MX1: variants seen among roughly 807,000 people sequenced by gnomAD.
The protein encoded by MX1 is interferon-induced GTP-binding protein Mx1.
Under a neutral mutation model 66.4 loss-of-function variants are expected in MX1, and 66 were observed. The ratio of observed to expected loss-of-function variants is 0.99; its 90% confidence interval spans 0.82 to 1.22. The LOEUF is 1.22. Ranked by LOEUF, MX1 falls within the 50% of genes most tolerant of loss-of-function variation. MX1 has a pLI of 0.00. For missense variants in MX1, 787 were observed against 834.3 expected (o/e 0.94, Z 0.70); for synonymous variants, 311 against 318.1 (o/e 0.98, Z 0.24).
chr21:41,458,520 C>G lies in MX1; in HGVS notation c.1759-8C>G, dbSNP rs1392733088. The stretch of plus-strand genomic sequence containing the variant: ...TCCACCCTCCCGTGAACTGTTCTTT[C>G]CTTCCAGGAGGCCAGCAAGCGCATC... On this transcript the variant is annotated splice_polypyrimidine_tract_variant and splice_region_variant and intron_variant, in intron 16 of 16. Coordinates refer to ENST00000398598, the MANE Select transcript of MX1 (RefSeq NM_002462.5). The G allele has an allele frequency of 1.4e-6, 2 of 1,477,594 alleles. No homozygotes were observed. The highest frequency in any genetic ancestry group is 2.9e-5 in the African/African-American group (2 of 68,782). The allele number at this position is 1,477,594 out of a possible 1,614,324, so 91.5% of individuals were successfully genotyped here.
chr21:41,430,194 GT>G (rs2090174065), intron 3 of MX1, among the ~76,000 whole-genome samples: 1 of 152,014 alleles, frequency 6.6e-6, no homozygotes, highest in South Asian at 2.1e-4. Context: ...GGGGTGATGA[GT>G]TTTGTTTTAA....
At chr21:41,454,098 TC>T (rs57309051) in intron 16 of MX1, among the ~76,000 whole-genome samples, 30,178 of 151,410 alleles carry the variant, frequency 0.2, 3,522 homozygotes, top group East Asian at 0.42. Context: ...AGGTGCAAAT[TC>T]CCCCCCCACA....
At position 41,443,802 on chromosome 21, in the gene MX1, A is replaced by G; in HGVS notation, c.944A>G (p.Glu315Gly). The change falls in exon 11 of 17, where the codon GAA becomes GGA. Residue 315 changes from glutamate (E) to glycine (G), a missense_variant. Transcript: ENST00000398598. Reference sequence around the variant, plus strand: ...TTCTCTTCTAGGGATCTGCTGGAGGAAGGAAAGGCCACGGTTCCCTGCCTG... The same window carrying G: ...TTCTCTTCTAGGGATCTGCTGGAGGGAGGAAAGGCCACGGTTCCCTGCCTG... ...NHPYFRDLLEEGKATVPCLAE... is the reference protein window; with the variant it reads ...NHPYFRDLLEGGKATVPCLAE... 6.2e-7 allele frequency: 1 copy of G among 1,614,220 alleles called. No individual in the cohort carries two copies. The highest frequency in any genetic ancestry group is 2.2e-5 in the East Asian group (1 of 44,894).
At chr21:41,451,275 A>C in intron 15 of MX1, 32 bp downstream of exon 15, 1 of 1,365,674 alleles carries the variant, frequency 7.3e-7, no homozygotes, top group Non-Finnish European at 1.0e-6. Context: ...TTAAAAAAAA[A>C]AAAGAAAAGA....
intron 7 of MX1, 119 bp from the exon 8 acceptor site, chr21:41,439,575 C>T: frequency 5.1e-6 from 5 of 984,396 alleles, no homozygotes; most frequent in Middle Eastern, 2.4e-4. Context: ...GAATCTGCTC[C>T]AAATATGCTT....
intron 10 of MX1, among the ~76,000 whole-genome samples, chr21:41,442,273 A>G (rs577533200): frequency 1.2e-4 from 18 of 152,350 alleles, no homozygotes; most frequent in Non-Finnish European, 2.2e-4. Context: ...ACCTAGATAT[A>G]TATATTTGAC....
At chr21:41,458,067 G>A (rs532627358) in intron 16 of MX1, among the ~76,000 whole-genome samples, 3 of 152,180 alleles carry the variant, frequency 2.0e-5, no homozygotes, top group South Asian at 2.1e-4. Context: ...ACAATGGCGC[G>A]ATCCCAGCTC....
At chr21:41,443,528 A>G (rs2090575452) in intron 10 of MX1, 1 of 500,264 alleles carries the variant, frequency 2.0e-6, no homozygotes, top group South Asian at 2.4e-5. Flanking sequence ...GACCAAGTCT[A>G]TAGTCAGACA....
chr21:41,448,558 C>G (rs1252702345), intron 13 of MX1, among the ~76,000 whole-genome samples: 2 of 152,164 alleles, frequency 1.3e-5, no homozygotes, highest in Non-Finnish European at 2.9e-5. Context: ...GTAATCCCAG[C>G]ACTTTGGGAG....
At position 41,458,727 on chromosome 21, in the gene MX1, C is replaced by T; in HGVS notation, c.1958C>T (p.Ala653Val). Residue 653 changes from alanine to valine, a missense_variant, in exon 17 of 17, where the codon GCT becomes GTT. Ala to Val is a moderately conservative substitution (Grantham distance 64, BLOSUM62 0). Coordinates refer to ENST00000398598, the MANE Select transcript of MX1 (RefSeq NM_002462.5). ...GAGCGGCTTGCACGGCTGACGCAGG[C>T]TCGGCGCCGGCTTGCCCAGTTCCCC... ...LKERLARLTQ[A>V]RRRLAQFPG 1 of 1,613,550 alleles carries T rather than the reference C, an allele frequency of 6.2e-7. No individual in the cohort carries two copies. The highest frequency in any genetic ancestry group is 2.2e-5 in the East Asian group (1 of 44,874).
chr21:41,442,225 A>G (rs1388640145), intron 10 of MX1, among the ~76,000 whole-genome samples: 1 of 152,192 alleles, frequency 6.6e-6, no homozygotes, highest in Non-Finnish European at 1.5e-5. Flanking sequence ...AAACATAAAT[A>G]GAAGAGAATA....
At chr21:41,453,169 TGAGAGCCAAGTGAAA>T (rs2090878004) in intron 16 of MX1, among the ~76,000 whole-genome samples, 1 of 152,150 alleles carries the variant, frequency 6.6e-6, no homozygotes, top group Non-Finnish European at 1.5e-5. Context: ...AGAGAGAGAA[TGAGAGCCAAGTGAAA>T]GGGGTTTCCC....
intron 3 of MX1, chr21:41,428,513 G>A (rs1403057166): frequency 3.9e-5 from 6 of 152,258 alleles, no homozygotes; most frequent in African/African-American, 7.2e-5. Context: ...CCTCGTCCTC[G>A]GCTGCCCAGC....
Position 41,441,082 on chromosome 21 carries a change from CGGTG to C in MX1, c.730+58_730+61del. On this transcript the variant is annotated intron_variant, in intron 9 of 16. Coordinates refer to ENST00000398598, the MANE Select transcript of MX1 (RefSeq NM_002462.5). This position sits in a 1 kb window ranked among gnomAD's most constrained non-coding sequence, Gnocchi z 4.0. Reference sequence around the variant, plus strand: ...GAGAATGGGGGAGCCCGCCTGTGCTCGGTGAGAATGGGGGAGCCCACCTGTGCTC... The same window carrying C: ...GAGAATGGGGGAGCCCGCCTGTGCTCAGAATGGGGGAGCCCACCTGTGCTC... The C allele has an allele frequency of 4.1e-6, 6 of 1,451,432 alleles. No individual in the cohort carries two copies. Among genetic ancestry groups the C allele is most frequent in the South Asian group, 1.5e-5 (1 of 68,014 alleles). 89.9% of individuals were successfully genotyped at this position (1,451,432 alleles called of 1,614,324 possible). A position where few individuals can be genotyped will look rare whatever the true frequency, so the allele number is the denominator to read the frequency against.
chr21:41,452,759 C>A lies in MX1; in HGVS notation c.1648C>A (p.Leu550Met). 1 of 1,614,118 alleles carries A rather than the reference C, an allele frequency of 6.2e-7. No individual in the cohort carries two copies. The highest frequency in any genetic ancestry group is 8.5e-7 in the Non-Finnish European group (1 of 1,180,032). The change falls in exon 16 of 17, where the codon CTG becomes ATG. Residue 550 changes from leucine (L) to methionine (M), a missense_variant. Physicochemically the swap from Leu to Met is conservative, Grantham distance 15. Coordinates refer to ENST00000398598, the MANE Select transcript of MX1 (RefSeq NM_002462.5). ...GALQKVREKELEEEKKKKSWD... is the reference protein window; with the variant it reads ...GALQKVREKEMEEEKKKKSWD... Reference sequence around the variant, plus strand: ...ATTGCAGAAGGTCAGAGAGAAGGAGCTGGAAGAAGAAAAGAAGAAGAAATC... The same window carrying A: ...ATTGCAGAAGGTCAGAGAGAAGGAGATGGAAGAAGAAAAGAAGAAGAAATC...
chr21:41,438,782 T>G (rs373563084), intron 7 of MX1, among the ~76,000 whole-genome samples: 13 of 152,330 alleles, frequency 8.5e-5, no homozygotes, highest in Admixed American at 3.3e-4. Flanking sequence ...TTTCTGTCCC[T>G]CTCATATAAG....
chr21:41,432,218 A>C, intron 5 of MX1, 43 bp downstream of exon 5: 2 of 1,582,132 alleles, frequency 1.3e-6, no homozygotes. Flanking sequence ...GACATGAGCC[A>C]TGCCCATTCG....
At chr21:41,452,898 G>A in intron 16 of MX1, 29 bp downstream of exon 16, 1 of 1,607,466 alleles carries the variant, frequency 6.2e-7, no homozygotes, top group South Asian at 1.1e-5. Context: ...CAGGATGCCA[G>A]CTTCCATTCT....
chr21:41,449,828 G>A (rs2090775809), intron 14 of MX1: 1 of 152,226 alleles, frequency 6.6e-6, no homozygotes, highest in Admixed American at 6.5e-5. Context: ...CCGCGGAGAA[G>A]GTTTTATGGA....
Sources: allele counts gnomAD v4.1 joint callset (sites outside exome capture counted in the v4.1 genomes callset), GRCh38; gene constraint gnomAD v4.1.1; non-coding constraint Gnocchi (gnomAD v3.1); transcripts MANE v1.5; gene names NCBI Gene and HGNC (gene_info 2026-07-23, HGNC 2026-07-21).